ARHGAP26: variants seen among roughly 807,000 people sequenced by gnomAD.
The protein encoded by ARHGAP26 is Rho GTPase activating protein 26, also known as rho GTPase-activating protein 26.
A neutral mutation model predicts 104.8 loss-of-function variants in ARHGAP26; 38 were observed. The observed-to-expected ratio is 0.36, with a 90% CI of 0.28 to 0.48. The LOEUF is 0.48. ARHGAP26 is among the 20% of genes least tolerant of loss of function. The pLI, the probability that ARHGAP26 is intolerant of heterozygous loss-of-function variation, is 0.99. For synonymous variants in ARHGAP26, 341 were observed against 340.0 expected, an observed-to-expected ratio of 1.00 and a Z score of -0.03; for missense variants, 704 against 947.9, an observed-to-expected ratio of 0.74 and a Z score of 3.38.
At chr5:143,090,215 G>C (rs1044021802) in intron 17 of ARHGAP26, among the ~76,000 whole-genome samples, 1 of 152,248 alleles carries the variant, frequency 6.6e-6, no homozygotes, top group Non-Finnish European at 1.5e-5. Flanking sequence ...TGTTACTCCA[G>C]GCTGTAGAAT....
intron 17 of ARHGAP26, among the ~76,000 whole-genome samples, chr5:143,082,034 A>T (rs1023190839): frequency 6.6e-6 from 1 of 150,798 alleles, no homozygotes; most frequent in South Asian, 2.1e-4. Flanking sequence ...AAAAAAAAAA[A>T]TGGTAGCTTT....
chr5:142,850,042 C>T lies in ARHGAP26; in HGVS notation c.155-23358C>T, dbSNP rs139256229. Among the ~76,000 whole-genome samples the T allele has an allele frequency of 1.0e-3, 157 of 152,250 alleles. 4 individuals carry two copies. The East Asian group carries it at 0.025, about 24-fold the overall frequency. ...GCCACCTCACTTGGATCTTTCCTTC[C>T]CTTCCTCTGTGGAGACAGAGACTCT... On this transcript the variant is annotated intron_variant, in intron 1 of 22. Coordinates refer to ENST00000645722, the MANE Select transcript of ARHGAP26 (RefSeq NM_001135608.3).
intron 9 of ARHGAP26, among the ~76,000 whole-genome samples, chr5:142,909,053 G>T (rs924036278): frequency 6.6e-6 from 1 of 151,954 alleles, no homozygotes; most frequent in South Asian, 2.1e-4. Flanking sequence ...GGGAGGTTTT[G>T]GTTTTCCAGG....
intron 22 of ARHGAP26, among the ~76,000 whole-genome samples, chr5:143,214,372 C>T (rs1810003464): frequency 6.6e-6 from 1 of 152,132 alleles, no homozygotes; most frequent in South Asian, 2.1e-4. Context: ...AGACCCAGCC[C>T]AGGACCTGGA....
intron 20 of ARHGAP26, among the ~76,000 whole-genome samples, chr5:143,183,162 T>C (rs1298061170): frequency 2.0e-5 from 3 of 151,692 alleles, no homozygotes; most frequent in African/African-American, 4.8e-5. Flanking sequence ...GGTGGCAGTA[T>C]AATCTCACAA....
intron 19 of ARHGAP26, among the ~76,000 whole-genome samples, chr5:143,145,127 G>A (rs1206733267): frequency 6.6e-6 from 1 of 152,120 alleles, no homozygotes; most frequent in Non-Finnish European, 1.5e-5. Context: ...TGGATAGTAA[G>A]GGAGAAAAAT....
intron 1 of ARHGAP26, among the ~76,000 whole-genome samples, chr5:142,781,908 G>A (rs1477104819): frequency 2.0e-5 from 3 of 152,120 alleles, no homozygotes; most frequent in Non-Finnish European, 2.9e-5. Flanking sequence ...GTAGAGATGG[G>A]GTTTCACCGT....
intron 1 of ARHGAP26, among the ~76,000 whole-genome samples, chr5:142,810,743 CTTT>C (rs1431531269): frequency 6.6e-6 from 1 of 152,126 alleles, no homozygotes; most frequent in Non-Finnish European, 1.5e-5. Flanking sequence ...TAATATTGTT[CTTT>C]AAGTGGGAGT....
intron 1 of ARHGAP26, among the ~76,000 whole-genome samples, chr5:142,804,619 G>A (rs1028752889): frequency 6.6e-6 from 1 of 152,110 alleles, no homozygotes; most frequent in Non-Finnish European, 1.5e-5. Context: ...AGCCTCCCGA[G>A]TAGCTGGGAA....
intron 14 of ARHGAP26, among the ~76,000 whole-genome samples, chr5:143,049,074 C>T (rs1332070873): frequency 1.3e-5 from 2 of 152,110 alleles, no homozygotes; most frequent in Admixed American, 1.3e-4. Flanking sequence ...CTTTCCACTA[C>T]TTTTATATAT....
At chr5:143,034,381 T>G (rs1782319569) in intron 12 of ARHGAP26, among the ~76,000 whole-genome samples, 2 of 152,090 alleles carry the variant, frequency 1.3e-5, no homozygotes, top group Admixed American at 1.3e-4. Context: ...ATAAATAAAA[T>G]GTGATATATC....
chr5:143,100,969 T>C (rs1281032417), intron 17 of ARHGAP26, among the ~76,000 whole-genome samples: 1 of 152,200 alleles, frequency 6.6e-6, no homozygotes. Context: ...GACGTGTGCC[T>C]GTAATCTCAG....
chr5:143,147,486 C>A, intron 20 of ARHGAP26, 105 bp downstream of exon 20: 1 of 1,357,644 alleles, frequency 7.4e-7, no homozygotes, highest in South Asian at 1.5e-5. Flanking sequence ...ATCCCCTGAA[C>A]ATTATTTAAA....
In ARHGAP26 at chr5:143,015,278, GACTA is replaced by G. The variant is rs529993866; in HGVS notation, c.1144+1166_1144+1169del. Among the ~76,000 whole-genome samples, 280 of 152,300 alleles carry G rather than the reference GACTA, an allele frequency of 1.8e-3. 1 individual carries two copies. The highest frequency in any genetic ancestry group is 6.3e-3 in the African/African-American group (261 of 41,552). On this transcript the variant is annotated intron_variant, in intron 12 of 22. Coordinates refer to ENST00000645722, the MANE Select transcript of ARHGAP26 (RefSeq NM_001135608.3). ...TTTTAGAACACTTGAAGTCAACTCT[GACTA>G]ACTGAGGCAAAAACAACAGTAACAA...
chr5:143,191,682 C>T (rs1269221955), intron 20 of ARHGAP26, among the ~76,000 whole-genome samples: 1 of 152,154 alleles, frequency 6.6e-6, no homozygotes, highest in African/African-American at 2.4e-5. Flanking sequence ...GTGGGACACT[C>T]ATGACTGAGT....
intron 11 of ARHGAP26, among the ~76,000 whole-genome samples, chr5:142,963,196 A>ATG (rs1381593823): frequency 2.3e-3 from 236 of 100,718 alleles, no homozygotes; most frequent in African/African-American, 9.3e-3. Flanking sequence ...ATATATATAT[A>ATG]TATGTGTGTG....
At chr5:142,817,384 A>T (rs1765341354) in intron 1 of ARHGAP26, among the ~76,000 whole-genome samples, 1 of 152,228 alleles carries the variant, frequency 6.6e-6, no homozygotes, top group Non-Finnish European at 1.5e-5. Context: ...CCAGGGAACC[A>T]TTCCCCTTTC....
At chr5:143,139,438 AG>A (rs1798263626) in intron 19 of ARHGAP26, among the ~76,000 whole-genome samples, 1 of 152,180 alleles carries the variant, frequency 6.6e-6, no homozygotes, top group Admixed American at 6.5e-5. Context: ...TATCTCCAAA[AG>A]GGTACCTTTG....
chr5:142,915,803 T>G (rs956979378), intron 10 of ARHGAP26: 2 of 151,898 alleles, frequency 1.3e-5, no homozygotes, highest in African/African-American at 2.4e-5. Context: ...TGCCTTTCTG[T>G]TTTTTTTCCC....
Sources: allele counts gnomAD v4.1 joint callset (sites outside exome capture counted in the v4.1 genomes callset), GRCh38; gene constraint gnomAD v4.1.1; transcripts MANE v1.5; gene names NCBI Gene and HGNC (gene_info 2026-07-23, HGNC 2026-07-21).